The following CLIP3 variants were observed in gnomAD, a reference collection of about 807,000 sequenced individuals.
The protein encoded by CLIP3 is CAP-Gly domain-containing linker protein 3.
Under a neutral mutation model 59.4 loss-of-function variants are expected in CLIP3, and 15 were observed. The ratio of observed to expected loss-of-function variants is 0.25; its 90% CI spans 0.17 to 0.39. The LOEUF (loss-of-function observed/expected upper bound fraction) is 0.39. Ranked by LOEUF, CLIP3 falls within the 10% of genes least tolerant of loss-of-function variation. The pLI is 1.00. For synonymous variants in CLIP3, 300 were observed against 321.6 expected (o/e 0.93, Z 0.72); for missense variants, 495 against 765.7 (o/e 0.65, Z 4.17).
intron 9 of CLIP3, among the ~76,000 whole-genome samples, 186 bp downstream of exon 9, chr19:36,018,711 TC>T (rs1263974136): frequency 6.6e-6 from 1 of 151,846 alleles, no homozygotes; most frequent in Non-Finnish European, 1.5e-5. Context: ...AACCCACAGG[TC>T]CTTCTAAGAA....
At position 36,026,543 on chromosome 19, in the gene CLIP3, A is replaced by G. The variant is rs756858247; in HGVS notation, c.562+43T>C. On this transcript the variant is annotated intron_variant, in intron 5 of 13. Coordinates refer to ENST00000360535, the MANE Select transcript of CLIP3 (RefSeq NM_015526.3). The surrounding 1 kb of genome is among the most constrained non-coding windows in gnomAD (Gnocchi z 6.3). The stretch of plus-strand genomic sequence containing the variant: ...CCTCACCTGGGTCTCCGCGTCCCTC[A>G]CCCAGGTCCTTGCCCCCTCCCAGCC... 7 of 1,606,736 alleles carry G rather than the reference A, an allele frequency of 4.4e-6. No individual in the cohort carries two copies. Among genetic ancestry groups the G allele is most frequent in the Middle Eastern group, 3.3e-4 (2 of 6,070 alleles).
chr19:36,026,159 G>A lies in CLIP3; in HGVS notation c.669C>T (p.Asn223=). 6.2e-7 allele frequency: 1 copy of A among 1,613,532 alleles called. No individual in the cohort carries two copies. The highest frequency in any genetic ancestry group is 8.5e-7 in the Non-Finnish European group (1 of 1,179,706). The stretch of plus-strand genomic sequence containing the variant: ...AGGGTGGCAGTACCCTCAGCGCAGG[G>A]TTGGCGCCGTGCTCCAGCAAACATT... ...AAKCLLEHGA[N]PALRNRKGQV... The change falls in exon 6 of 14, where the codon AAC becomes AAT. Residue 223 remains asparagine, a synonymous_variant. Coordinates refer to ENST00000360535, the MANE Select transcript of CLIP3 (RefSeq NM_015526.3). The surrounding 1 kb of genome is among the most constrained non-coding windows in gnomAD (Gnocchi z 6.3).
In CLIP3 at chr19:36,026,738, G is replaced by A. The variant is rs770084484; in HGVS notation, c.410C>T (p.Ala137Val). 63 of 1,596,836 alleles carry A rather than the reference G, an allele frequency of 3.9e-5. No homozygotes were observed. Among genetic ancestry groups the A allele is most frequent in the Middle Eastern group, 3.3e-4 (2 of 6,058 alleles). Residue 137 changes from alanine to valine, a missense_variant, in exon 5 of 14, where the codon GCG becomes GTG. By Grantham distance (64) the Ala-to-Val change is moderately conservative. Coordinates refer to ENST00000360535, the MANE Select transcript of CLIP3 (RefSeq NM_015526.3). This position sits in a 1 kb window ranked among gnomAD's most constrained non-coding sequence, Gnocchi z 6.3. ...CTGCTGCGAGAGGCGCACGGCTGCC[G>A]CGGGGTCCCCTGCGCGATAGGCCGG... ...KAGAHGVGDPAAAVRLSQQLL... is the reference protein window; with the variant it reads ...KAGAHGVGDPVAAVRLSQQLL...
At chr19:36,017,244 TG>T in intron 12 of CLIP3, 141 bp downstream of exon 12, 1 of 886,420 alleles carries the variant, frequency 1.1e-6, no homozygotes, top group Non-Finnish European at 1.8e-6. Context: ...TATCTTTTTG[TG>T]GACCTTGTCT....
rs1413659385 is a variant in CLIP3 at position 36,019,607 on chromosome 19, A to AT, written c.919-302dup. On this transcript the variant is annotated intron_variant, in intron 7 of 13. Coordinates refer to ENST00000360535, the MANE Select transcript of CLIP3 (RefSeq NM_015526.3). ...ATTTATTTATTTATTTATTTTATTT[A>AT]TTTTTTTTTTTTTCGAGACAGCGTC... is the stretch of plus-strand genomic sequence containing the variant. Among the ~76,000 whole-genome samples the AT allele has an allele frequency of 9.1e-3, 1,074 of 117,534 alleles. 6 individuals are homozygous for AT. Among genetic ancestry groups the AT allele is most frequent in the African/African-American group, 0.016 (523 of 32,626 alleles). 77.1% of individuals were successfully genotyped at this position (117,534 alleles called of 152,430 possible).
chr19:36,021,497 C>A (rs985689084), intron 7 of CLIP3, among the ~76,000 whole-genome samples: 1 of 152,100 alleles, frequency 6.6e-6, no homozygotes, highest in African/African-American at 2.4e-5. Flanking sequence ...GTTGATTGCC[C>A]AGGCTGGTCT....
chr19:36,028,751 C>T (rs1057480944), intron 2 of CLIP3, among the ~76,000 whole-genome samples: 1 of 152,158 alleles, frequency 6.6e-6, no homozygotes, highest in Non-Finnish European at 1.5e-5. Context: ...CCCCTCAGTT[C>T]TCAGCCCTCT....
rs1202075750 is a variant in CLIP3, at chr19:36,016,673, T to G, written c.1589+234A>C. On this transcript the variant is annotated intron_variant, in intron 13 of 13. Transcript: ENST00000360535. This position sits in a 1 kb window ranked among gnomAD's most constrained non-coding sequence, Gnocchi z 4.1. ...TCTAGCTGTTGTTCTGAGGCTCGTA[T>G]GGAGTGAAGGGTGTTCTGCTTCCTT... 1.4e-5 allele frequency: 8 copies of G among 560,992 alleles called. No individual in the cohort carries two copies. The highest frequency in any genetic ancestry group is 2.6e-5 in the Non-Finnish European group (8 of 312,964). 34.8% of individuals were successfully genotyped at this position (560,992 alleles called of 1,614,324 possible). A position where few individuals can be genotyped will look rare whatever the true frequency, so the allele number is the denominator to read the frequency against.
At position 36,028,579 on chromosome 19, in the gene CLIP3, A is replaced by T. The variant is rs556507121; in HGVS notation, c.167-1308T>A. The stretch of plus-strand genomic sequence containing the variant: ...GATCAGATTATACACAGCCCAGGGA[A>T]GTGCCACATAGAAGGTGTCTCCAGG... On this transcript the variant is annotated intron_variant, in intron 2 of 13. Transcript: ENST00000360535. Among the ~76,000 whole-genome samples the T allele has an allele frequency of 5.3e-5, 8 of 152,298 alleles. No individual in the cohort carries two copies. In the East Asian group the frequency reaches 1.4e-3, roughly 26 times the overall value.
chr19:36,020,369 G>A (rs1968922154), intron 7 of CLIP3, among the ~76,000 whole-genome samples: 5 of 152,124 alleles, frequency 3.3e-5, no homozygotes, highest in South Asian at 2.1e-4. Context: ...CTGGGAGGCC[G>A]AGGTGGGAGG....
chr19:36,017,016 C>G (rs1272527812), intron 12 of CLIP3, 37 bp from the exon 13 acceptor site: 1 of 1,607,834 alleles, frequency 6.2e-7, no homozygotes, highest in Admixed American at 1.7e-5. Flanking sequence ...GAGGGGATGA[C>G]AGACCACCTG....
intron 9 of CLIP3, among the ~76,000 whole-genome samples, chr19:36,018,253 T>C (rs1255054298): frequency 6.6e-6 from 1 of 152,120 alleles, no homozygotes; most frequent in African/African-American, 2.4e-5. Flanking sequence ...ACCCAGAAAC[T>C]GTCCTTTTAA....
chr19:36,027,680 C>T (rs1264734187), intron 2 of CLIP3, among the ~76,000 whole-genome samples: 1 of 152,144 alleles, frequency 6.6e-6, no homozygotes, highest in East Asian at 1.9e-4. Flanking sequence ...TAAATAAAGC[C>T]AGAAGTCCTG....
rs778454688 is a variant in CLIP3, at chr19:36,016,233, G to T, written c.1590-21C>A. 1.5e-5 allele frequency: 24 copies of T among 1,613,896 alleles called. No homozygotes were observed. The highest frequency in any genetic ancestry group is 1.9e-5 in the Non-Finnish European group (22 of 1,179,934). On this transcript the variant is annotated intron_variant, in intron 13 of 13. Coordinates refer to ENST00000360535, the MANE Select transcript of CLIP3 (RefSeq NM_015526.3). The surrounding 1 kb of genome is among the most constrained non-coding windows in gnomAD (Gnocchi z 4.1). ...GCAACCTGGAAAGGAGGATGACAGG[G>T]TCACGCCCTTAGGCAGGCAGCGGGG...
chr19:36,024,238 C>T (rs549575955), intron 7 of CLIP3, 158 bp downstream of exon 7: 60 of 641,576 alleles, frequency 9.4e-5, no homozygotes, highest in South Asian at 5.4e-4. Flanking sequence ...GAGACACCCA[C>T]GGAACAACTG....
chr19:36,026,330 T>C lies in CLIP3; in HGVS notation c.563-65A>G, dbSNP rs918894037. On this transcript the variant is annotated intron_variant, in intron 5 of 13. Transcript: ENST00000360535. The surrounding 1 kb of genome is among the most constrained non-coding windows in gnomAD (Gnocchi z 6.3). ...GTGGGACCCCAGCCCTCCTCCCACCTCGGGGCTCATCTCTTAACTTGCAGG... is the reference window on the plus strand; with the variant it reads ...GTGGGACCCCAGCCCTCCTCCCACCCCGGGGCTCATCTCTTAACTTGCAGG... The C allele has an allele frequency of 1.9e-4, 269 of 1,385,366 alleles. No homozygotes were observed. Among genetic ancestry groups the C allele is most frequent in the Non-Finnish European group, 2.5e-4 (241 of 980,582 alleles). 85.8% of individuals were successfully genotyped at this position (1,385,366 alleles called of 1,614,324 possible).
chr19:36,027,997 G>C, intron 2 of CLIP3, among the ~76,000 whole-genome samples: 1 of 151,266 alleles, frequency 6.6e-6, no homozygotes, highest in East Asian at 1.9e-4. Flanking sequence ...GCCACTACAC[G>C]CCAGCCTGGG....
rs1969279918 is a variant in CLIP3, at chr19:36,032,092, T to C, written c.166+100A>G. On this transcript the variant is annotated intron_variant, in intron 2 of 13. Coordinates refer to ENST00000360535, the MANE Select transcript of CLIP3 (RefSeq NM_015526.3). This position sits in a 1 kb window ranked among gnomAD's most constrained non-coding sequence, Gnocchi z 4.3. ...AGATTCCTCTGGACCACCTTCAAAT[T>C]CCCCAGAATTCTCCCACCATCACCA... 3.3e-5 allele frequency: 20 copies of C among 613,720 alleles called. No individual in the cohort carries two copies. Among genetic ancestry groups the C allele is most frequent in the Non-Finnish European group, 4.9e-5 (20 of 409,758 alleles). 38.0% of individuals were successfully genotyped at this position (613,720 alleles called of 1,614,324 possible).
intron 2 of CLIP3, among the ~76,000 whole-genome samples, chr19:36,029,849 C>T (rs1188482515): frequency 4.3e-4 from 66 of 152,046 alleles, no homozygotes; most frequent in Admixed American, 4.3e-3. Context: ...TTCTCCCTGT[C>T]CTCGACCACA....
Sources: gnomAD v4.1 joint callset for allele counts (sites outside exome capture counted in the v4.1 genomes callset) on GRCh38, gnomAD v4.1.1 for gene constraint, Gnocchi (gnomAD v3.1) non-coding constraint, MANE v1.5 for transcripts, NCBI Gene and HGNC (gene_info 2026-07-23, HGNC 2026-07-21) for gene names.